Variants in PRDM5 observed in about 807,000 individuals in gnomAD.
PRDM5 encodes PR domain zinc finger protein 5.
Under a neutral mutation model 81.2 loss-of-function variants are expected in PRDM5, and 56 were observed. That is an observed-to-expected ratio of 0.69 (90% CI 0.56 to 0.86). The LOEUF is 0.86. Ranked by LOEUF, PRDM5 falls within the 40% of genes least tolerant of loss-of-function variation. The pLI is 0.00. For missense variants in PRDM5, 697 were observed against 770.1 expected, an observed-to-expected ratio of 0.91 and a Z score of 1.12; for synonymous variants, 267 against 256.4, an observed-to-expected ratio of 1.04 and a Z score of -0.39.
intron 13 of PRDM5, among the ~76,000 whole-genome samples, chr4:120,768,261 C>A (rs1368516607): frequency 6.6e-6 from 1 of 152,012 alleles, no homozygotes; most frequent in Non-Finnish European, 1.5e-5. Context: ...TAACTTAAAA[C>A]AGAATTTGAA....
rs561216721 is a variant in PRDM5, at chr4:120,694,210, C to A, written c.*901G>T. The stretch of plus-strand genomic sequence containing the variant: ...GGGGAAAGGGCTATGTTCATCCTAA[C>A]AAATGTGGAGATGCCACTATTGTTC... On this transcript the variant is annotated 3_prime_UTR_variant, in exon 16 of 16. Coordinates refer to ENST00000264808, the MANE Select transcript of PRDM5 (RefSeq NM_018699.4). 1 of 152,244 alleles carries A rather than the reference C, an allele frequency of 6.6e-6. No homozygotes were observed. Among genetic ancestry groups the A allele is most frequent in the East Asian group, 1.9e-4 (1 of 5,188 alleles). 9.4% of individuals were successfully genotyped at this position (152,244 alleles called of 1,614,324 possible).
At chr4:120,706,085 CTTT>C (rs5861484) in intron 15 of PRDM5, among the ~76,000 whole-genome samples, 2 of 143,288 alleles carry the variant, frequency 1.4e-5, no homozygotes, top group Admixed American at 7.0e-5. Context: ...GATCCTAGAT[CTTT>C]TTTTTTTTTT....
At chr4:120,723,592 AAAG>A (rs1243854131) in intron 14 of PRDM5, among the ~76,000 whole-genome samples, 10 of 152,304 alleles carry the variant, frequency 6.6e-5, no homozygotes, top group Non-Finnish European at 2.9e-5. Context: ...TGCAAATTGT[AAAG>A]AAAATATAAG....
At chr4:120,715,055 C>A in intron 14 of PRDM5, among the ~76,000 whole-genome samples, 1 of 152,080 alleles carries the variant, frequency 6.6e-6, no homozygotes, top group East Asian at 1.9e-4. Flanking sequence ...TTTCTAGAGT[C>A]CAAGAATAAA....
At chr4:120,803,921 G>A (rs893893346) in intron 8 of PRDM5, among the ~76,000 whole-genome samples, 9 of 152,306 alleles carry the variant, frequency 5.9e-5, no homozygotes, top group African/African-American at 1.7e-4. Context: ...ATTGGATAGA[G>A]AGTCAACACC....
intron 13 of PRDM5, among the ~76,000 whole-genome samples, chr4:120,774,294 C>T (rs1561179723): frequency 1.3e-5 from 2 of 152,296 alleles, no homozygotes; most frequent in South Asian, 2.1e-4. Flanking sequence ...TACTTCTTGA[C>T]GAATAGGTCG....
intron 2 of PRDM5, among the ~76,000 whole-genome samples, chr4:120,883,852 T>C (rs1484792977): frequency 1.3e-5 from 2 of 152,192 alleles, no homozygotes; most frequent in African/African-American, 2.4e-5. Flanking sequence ...ATATAAAATA[T>C]TCAAAAATAA....
intron 14 of PRDM5, among the ~76,000 whole-genome samples, chr4:120,751,183 A>G (rs1743951397): frequency 6.6e-6 from 1 of 152,112 alleles, no homozygotes; most frequent in Admixed American, 6.5e-5. Context: ...TGCTGGAAAT[A>G]CAGGAATGAG....
At chr4:120,827,603 A>G (rs1400075595) in intron 3 of PRDM5, among the ~76,000 whole-genome samples, 1 of 152,156 alleles carries the variant, frequency 6.6e-6, no homozygotes, top group Non-Finnish European at 1.5e-5. Context: ...TAACACTATA[A>G]GAAAAAACTA....
Position 120,833,648 on chromosome 4 carries a change from G to A in PRDM5, c.301-12303C>T, listed in dbSNP as rs139670652. On this transcript the variant is annotated intron_variant, in intron 3 of 15. Coordinates refer to ENST00000264808, the MANE Select transcript of PRDM5 (RefSeq NM_018699.4). ...TTCAAACTGCAAAAATTATAGCCACGGTCCATGATAAGTGCTTAGTTAAGA... is the reference window on the plus strand; with the variant it reads ...TTCAAACTGCAAAAATTATAGCCACAGTCCATGATAAGTGCTTAGTTAAGA... Among the ~76,000 whole-genome samples, 82 of 152,164 alleles carry A rather than the reference G, an allele frequency of 5.4e-4. 1 individual carries two copies. In the East Asian group the frequency reaches 0.011, roughly 20 times the overall value.
chr4:120,851,467 A>G (rs1353119539), intron 3 of PRDM5, among the ~76,000 whole-genome samples: 1 of 151,486 alleles, frequency 6.6e-6, no homozygotes, highest in Non-Finnish European at 1.5e-5. Context: ...ATGTTGAAAA[A>G]GAAAAAAAAA....
At position 120,801,319 on chromosome 4, in the gene PRDM5, T is replaced by G. The variant is rs114141741; in HGVS notation, c.946-1574A>C. On this transcript the variant is annotated intron_variant, in intron 8 of 15. Coordinates refer to ENST00000264808, the MANE Select transcript of PRDM5 (RefSeq NM_018699.4). ...AGTGGAGGACTCGGCTGGCCCCTGA[T>G]AAATGGTTCTCTTGATCTAAATGGC... 2.1e-3 allele frequency among the ~76,000 whole-genome samples: 317 copies of G among 152,276 alleles called. 5 individuals carry two copies. Among genetic ancestry groups the G allele is most frequent in the African/African-American group, 7.4e-3 (308 of 41,546 alleles).
At chr4:120,770,553 C>A (rs1354897818) in intron 13 of PRDM5, among the ~76,000 whole-genome samples, 1 of 150,808 alleles carries the variant, frequency 6.6e-6, no homozygotes, top group Non-Finnish European at 1.5e-5. Context: ...TGAAGATCCA[C>A]AGATGCAGGG....
In PRDM5 at chr4:120,904,964, A is replaced by G. The variant is rs1315032640; in HGVS notation, c.177+2510T>C. ...AATGTAGCATTTTTATCATTTTATG[A>G]CTTACTAAGTTATCAGGTTTTTTTG... is the stretch of plus-strand genomic sequence containing the variant. On this transcript the variant is annotated intron_variant, in intron 2 of 15. Coordinates refer to ENST00000264808, the MANE Select transcript of PRDM5 (RefSeq NM_018699.4). 2.0e-5 allele frequency among the ~76,000 whole-genome samples: 3 copies of G among 152,304 alleles called. No individual in the cohort carries two copies. The East Asian group carries it at 5.8e-4, about 29-fold the overall frequency.
intron 4 of PRDM5, among the ~76,000 whole-genome samples, chr4:120,818,807 A>C (rs1754886104): frequency 6.6e-6 from 1 of 152,194 alleles, no homozygotes. Flanking sequence ...AACTTTTCAG[A>C]TCAAAATGTT....
chr4:120,746,996 G>A (rs2149129355), intron 14 of PRDM5, among the ~76,000 whole-genome samples: 1 of 150,102 alleles, frequency 6.7e-6, no homozygotes, highest in Non-Finnish European at 1.5e-5. Context: ...TATGTTTATT[G>A]CAGCATTATT....
At chr4:120,882,798 CAATT>C (rs1206622535) in intron 2 of PRDM5, among the ~76,000 whole-genome samples, 1 of 152,098 alleles carries the variant, frequency 6.6e-6, no homozygotes, top group Non-Finnish European at 1.5e-5. Context: ...ATTCCATTGA[CAATT>C]AAATCAGTGA....
Position 120,754,598 on chromosome 4 carries a change from GA to G in PRDM5, c.1577del (p.Phe526SerfsTer7). ...PYQCPYCEKG[F>X]SKNDGLKMHI... The stretch of plus-strand genomic sequence containing the variant: ...GCATCTTCAGTCCATCATTTTTACT[GA>G]ATCCTTTTTCACAGTAAGGACATTG... On this transcript the variant is annotated frameshift_variant, in exon 14 of 16. Coordinates refer to ENST00000264808, the MANE Select transcript of PRDM5 (RefSeq NM_018699.4). LOFTEE classifies it high-confidence loss of function. 1.2e-6 allele frequency: 2 copies of G among 1,602,514 alleles called. No individual in the cohort carries two copies. Among genetic ancestry groups the G allele is most frequent in the Non-Finnish European group, 1.7e-6 (2 of 1,169,732 alleles).
intron 3 of PRDM5, among the ~76,000 whole-genome samples, chr4:120,828,754 T>C (rs1320868381): frequency 1.3e-5 from 2 of 152,066 alleles, no homozygotes; most frequent in African/African-American, 4.8e-5. Flanking sequence ...TACATTCCAT[T>C]ACCTAGCTAC....
Sources: allele counts gnomAD v4.1 joint callset (sites outside exome capture counted in the v4.1 genomes callset), GRCh38; gene constraint gnomAD v4.1.1; transcripts MANE v1.5; gene names NCBI Gene and HGNC (gene_info 2026-07-23, HGNC 2026-07-21).